The following CEMIP variants were observed in gnomAD, a reference collection of about 807,000 sequenced individuals.
The protein encoded by CEMIP is cell migration inducing hyaluronidase 1.
A neutral mutation model predicts 156.9 loss-of-function variants in CEMIP; 105 were observed. The ratio of observed to expected loss-of-function variants is 0.67; its 90% CI spans 0.57 to 0.79. The LOEUF (loss-of-function observed/expected upper bound fraction) is 0.79, where lower values mean the gene tolerates loss of function less well. Among genes scored for constraint, CEMIP ranks in the 30% least tolerant of loss-of-function variants. CEMIP has a pLI of 0.00. For synonymous variants in CEMIP, 676 were observed against 668.4 expected, an observed-to-expected ratio of 1.01 and a Z score of -0.17; for missense variants, 1,457 against 1,769.4, an observed-to-expected ratio of 0.82 and a Z score of 3.17.
intron 1 of CEMIP, among the ~76,000 whole-genome samples, chr15:80,839,644 TC>T (rs1319861147): frequency 1.3e-5 from 2 of 152,132 alleles, no homozygotes; most frequent in Non-Finnish European, 2.9e-5. Context: ...TGCAAATGCT[TC>T]AGGAGAGCCC....
At chr15:80,827,620 AAAAC>A (rs1157157157) in intron 1 of CEMIP, among the ~76,000 whole-genome samples, 5 of 152,298 alleles carry the variant, frequency 3.3e-5, no homozygotes, top group African/African-American at 9.6e-5. Flanking sequence ...CTCTTTTTCA[AAAAC>A]AAACAACAAC....
intron 1 of CEMIP, among the ~76,000 whole-genome samples, chr15:80,812,554 A>C (rs1330877303): frequency 6.6e-6 from 1 of 152,140 alleles, no homozygotes; most frequent in Non-Finnish European, 1.5e-5. Flanking sequence ...GATTTTTGTC[A>C]AGCGTAGTAA....
At chr15:80,937,728 G>A in intron 24 of CEMIP, 66 bp from the exon 25 acceptor site, 8 of 1,491,542 alleles carry the variant, frequency 5.4e-6, no homozygotes, top group South Asian at 1.1e-5. Context: ...TTTCTCCAAG[G>A]CATGCTCCAA....
At chr15:80,844,534 C>A (rs544396766) in intron 1 of CEMIP, among the ~76,000 whole-genome samples, 2 of 152,256 alleles carry the variant, frequency 1.3e-5, no homozygotes, top group East Asian at 3.9e-4. Flanking sequence ...TTCCTGAAAA[C>A]CACCCCCCAG....
intron 16 of CEMIP, 71 bp downstream of exon 16, chr15:80,921,172 T>A: frequency 7.3e-7 from 1 of 1,366,206 alleles, no homozygotes; most frequent in Non-Finnish European, 1.0e-6. Context: ...AGCCGAGGCT[T>A]ACCTTGAAAC....
chr15:80,861,066 A>AT (rs958328791), intron 1 of CEMIP, among the ~76,000 whole-genome samples: 1 of 152,040 alleles, frequency 6.6e-6, no homozygotes, highest in African/African-American at 2.4e-5. Flanking sequence ...TTCCTCCTGT[A>AT]ACCCCTGTCT....
intron 1 of CEMIP, among the ~76,000 whole-genome samples, chr15:80,870,675 C>T (rs1420703837): frequency 6.6e-6 from 1 of 152,240 alleles, no homozygotes; most frequent in Non-Finnish European, 1.5e-5. Flanking sequence ...CCTGCTTTTG[C>T]TCTTGTGTCT....
At chr15:80,857,637 G>A (rs1220422046) in intron 1 of CEMIP, among the ~76,000 whole-genome samples, 1 of 152,200 alleles carries the variant, frequency 6.6e-6, no homozygotes, top group East Asian at 1.9e-4. Context: ...GCCAGTCAGT[G>A]GCCTGGGGCA....
intron 28 of CEMIP, among the ~76,000 whole-genome samples, chr15:80,943,833 C>G (rs1156231433): frequency 1.3e-5 from 2 of 152,228 alleles, no homozygotes; most frequent in African/African-American, 4.8e-5. Flanking sequence ...TGCCCCAACT[C>G]CAACCCATCT....
At chr15:80,789,391 C>A (rs1896023896) in intron 1 of CEMIP, among the ~76,000 whole-genome samples, 1 of 152,146 alleles carries the variant, frequency 6.6e-6, no homozygotes, top group African/African-American at 2.4e-5. Context: ...TTGTGGTGCT[C>A]CGTAGTAGAA....
intron 1 of CEMIP, among the ~76,000 whole-genome samples, chr15:80,795,398 T>C (rs1487424518): frequency 2.6e-5 from 4 of 151,390 alleles, no homozygotes; most frequent in Non-Finnish European, 5.9e-5. Context: ...GTGGAGGCAG[T>C]GGGGAAGGAG....
intron 12 of CEMIP, among the ~76,000 whole-genome samples, chr15:80,903,644 C>T (rs183123516): frequency 6.6e-6 from 1 of 152,152 alleles, no homozygotes; most frequent in South Asian, 2.1e-4. Context: ...TCTTTGCCAT[C>T]CCCTGCCTGG....
chr15:80,826,505 A>G (rs4778860), intron 1 of CEMIP, among the ~76,000 whole-genome samples: 152,147 of 152,338 alleles, frequency 1, 75,980 homozygotes, highest in Middle Eastern at 1. Flanking sequence ...TGTACAAACC[A>G]AGTTATAGGT....
At chr15:80,785,487 C>G (rs1276406848) in intron 1 of CEMIP, among the ~76,000 whole-genome samples, 1 of 152,158 alleles carries the variant, frequency 6.6e-6, no homozygotes, top group African/African-American at 2.4e-5. Flanking sequence ...TTTTGATCAT[C>G]TTCTATGAGG....
chr15:80,880,913 A>G lies in CEMIP; in HGVS notation c.394A>G (p.Ile132Val), dbSNP rs1436366587. The change falls in exon 6 of 30, where the codon ATT (isoleucine) becomes GTT (valine). Residue 132 changes from isoleucine to valine, a missense_variant. Coordinates refer to ENST00000394685, the MANE Select transcript of CEMIP (RefSeq NM_001293298.2). ...TTTCTCTTGCAGGGCTGATGAAGGT[A>G]TTCAGCCGGATCCTTACTATGGTCT... ...IILYGRADEG[I>V]QPDPYYGLKY... 1.2e-6 allele frequency: 2 copies of G among 1,613,526 alleles called. No individual in the cohort carries two copies. Among genetic ancestry groups the G allele is most frequent in the African/African-American group, 1.3e-5 (1 of 74,906 alleles).
chr15:80,927,656 C>A (rs1567105888), intron 19 of CEMIP, among the ~76,000 whole-genome samples: 1 of 152,112 alleles, frequency 6.6e-6, no homozygotes, highest in Admixed American at 6.5e-5. Flanking sequence ...TAGGATCTGC[C>A]TGGCACCAAG....
At chr15:80,933,185 T>G in intron 22 of CEMIP, 60 bp from the exon 23 acceptor site, 2 of 1,440,090 alleles carry the variant, frequency 1.4e-6, no homozygotes, top group East Asian at 2.3e-5. Context: ...CCTGGCCTGA[T>G]GACGGCTGCA....
intron 16 of CEMIP, 129 bp downstream of exon 16, chr15:80,921,230 G>C (rs1021801596): frequency 7.8e-6 from 7 of 902,474 alleles, no homozygotes; most frequent in Non-Finnish European, 8.8e-6. Flanking sequence ...GACGGGCTTA[G>C]CTGTGGTGAA....
chr15:80,860,137 C>T (rs1361449310), intron 1 of CEMIP, among the ~76,000 whole-genome samples: 2 of 152,242 alleles, frequency 1.3e-5, no homozygotes, highest in African/African-American at 2.4e-5. Flanking sequence ...TCCAGTGCTT[C>T]ATTCCCCCTG....
Sources: gnomAD v4.1 joint callset for allele counts (sites outside exome capture counted in the v4.1 genomes callset) on GRCh38, gnomAD v4.1.1 for gene constraint, MANE v1.5 for transcripts, NCBI Gene and HGNC (gene_info 2026-07-23, HGNC 2026-07-21) for gene names.